The following TACC2 variants were observed in gnomAD, a reference collection of about 807,000 sequenced individuals.
TACC2 encodes the protein transforming acidic coiled-coil containing protein 2.
A neutral mutation model predicts 227.3 loss-of-function variants in TACC2; 137 were observed. That is an observed-to-expected ratio of 0.60 (90% CI 0.52 to 0.69). The LOEUF (loss-of-function observed/expected upper bound fraction) is 0.69. Among genes scored for constraint, TACC2 ranks in the 30% least tolerant of loss-of-function variants. TACC2 has a pLI of 0.00. For missense variants in TACC2, 3,470 were observed against 3,694.4 expected, an observed-to-expected ratio of 0.94 and a Z score of 1.57; for synonymous variants, 1,523 against 1,487.5, an observed-to-expected ratio of 1.02 and a Z score of -0.55.
At chr10:122,162,316 G>A (rs951333409) in intron 7 of TACC2, among the ~76,000 whole-genome samples, 3 of 152,184 alleles carry the variant, frequency 2.0e-5, no homozygotes, top group Non-Finnish European at 2.9e-5. Context: ...CCTTGGCCAC[G>A]TCGCTAGAAA....
chr10:122,005,692 T>G (rs1327025348), intron 1 of TACC2, among the ~76,000 whole-genome samples: 1 of 143,082 alleles, frequency 7.0e-6, no homozygotes, highest in Non-Finnish European at 1.6e-5. Flanking sequence ...CCTTTTTTTT[T>G]TTTTTCTTTT....
At chr10:122,126,639 AG>A (rs1172682774) in intron 5 of TACC2, 4 of 152,048 alleles carry the variant, frequency 2.6e-5, no homozygotes, top group Non-Finnish European at 4.4e-5. Context: ...ATAAATAACA[AG>A]GGGAAGGGAA....
At chr10:122,165,091 A>C (rs1479521578) in intron 7 of TACC2, among the ~76,000 whole-genome samples, 1 of 152,088 alleles carries the variant, frequency 6.6e-6, no homozygotes, top group Non-Finnish European at 1.5e-5. Context: ...GCAGGTGTGC[A>C]CCCATCATTT....
Position 122,225,875 on chromosome 10 carries a change from G to A in TACC2, c.7609-491G>A, listed in dbSNP as rs141780176. 2.2e-3 allele frequency among the ~76,000 whole-genome samples: 329 copies of A among 152,236 alleles called. 1 individual carries two copies. The highest frequency in any genetic ancestry group is 7.6e-3 in the African/African-American group (316 of 41,538). Reference sequence around the variant, plus strand: ...GGACCCCAGCAGGGCATGTGGAGGGGGTCTTTCAAGGTCTTCCCATCACTG... The same window carrying A: ...GGACCCCAGCAGGGCATGTGGAGGGAGTCTTTCAAGGTCTTCCCATCACTG... On this transcript the variant is annotated intron_variant, in intron 12 of 22. Coordinates refer to ENST00000369005, the MANE Select transcript of TACC2 (RefSeq NM_206862.4).
intron 6 of TACC2, 119 bp downstream of exon 6, chr10:122,132,853 T>C: frequency 9.8e-7 from 1 of 1,015,752 alleles, no homozygotes; most frequent in Non-Finnish European, 1.5e-6. Context: ...TTTCACCCCC[T>C]CTGCACACAC....
intron 2 of TACC2, among the ~76,000 whole-genome samples, chr10:122,033,567 G>A (rs1167916761): frequency 1.1e-4 from 16 of 152,214 alleles, no homozygotes; most frequent in Admixed American, 1.0e-3. Context: ...CTGATTTGTT[G>A]TAAAAGAAGA....
In TACC2 at chr10:122,249,564, A is replaced by G. The variant is rs776369229; in HGVS notation, c.8681A>G (p.Gln2894Arg). 4 of 1,614,040 alleles carry G rather than the reference A, an allele frequency of 2.5e-6. No individual in the cohort carries two copies. Among genetic ancestry groups the G allele is most frequent in the Non-Finnish European group, 3.4e-6 (4 of 1,179,994 alleles). ...KLDRANAEIA[Q>R]VRGKAQQEQA... ...CGCAGGGCCAATGCTGAGATTGCTC[A>G]GGTTCGAGGCAAGGCCCAGCAGGAG... Residue 2894 changes from glutamine to arginine, a missense_variant, in exon 22 of 23, where the codon CAG becomes CGG. Around this residue, in one of 10 missense-constraint regions of TACC2, gnomAD observed 89 missense variants for 91.4 expected, o/e 0.97. Transcript: ENST00000369005.
At chr10:122,230,689 A>T (rs1281181826) in intron 16 of TACC2, among the ~76,000 whole-genome samples, 1 of 152,234 alleles carries the variant, frequency 6.6e-6, no homozygotes, top group African/African-American at 2.4e-5. Flanking sequence ...ACAGAGACCA[A>T]TGTATGGGTC....
chr10:122,211,844 C>T (rs750288740), intron 9 of TACC2, 136 bp downstream of exon 9: 231 of 674,186 alleles, frequency 3.4e-4, no homozygotes, highest in Non-Finnish European at 5.2e-4. Flanking sequence ...CGCTTACGGC[C>T]GTTGCACCAA....
intron 11 of TACC2, among the ~76,000 whole-genome samples, chr10:122,218,354 G>A (rs1220677706): frequency 2.6e-5 from 4 of 152,090 alleles, no homozygotes; most frequent in Non-Finnish European, 5.9e-5. Flanking sequence ...TCCTTTAAAC[G>A]GCTTCCTCCC....
chr10:122,103,406 G>A (rs1012359135), intron 5 of TACC2, among the ~76,000 whole-genome samples: 1 of 152,202 alleles, frequency 6.6e-6, no homozygotes, highest in African/African-American at 2.4e-5. Context: ...TGCTGCATAG[G>A]CTCATTAAGA....
intron 16 of TACC2, among the ~76,000 whole-genome samples, chr10:122,234,959 G>A (rs1431556186): frequency 6.6e-6 from 1 of 152,066 alleles, no homozygotes; most frequent in Non-Finnish European, 1.5e-5. Flanking sequence ...TCTTCAGAAG[G>A]TCCACGCTGA....
rs368942845 is a variant in TACC2 at position 122,141,043 on chromosome 10, G to T, written c.5700-2529G>T. ...CCAGGAGTCCTGCTCAGAGAGGGCA[G>T]ATTCCAGAAGGAGAAGGAGGTGACT... is the stretch of plus-strand genomic sequence containing the variant. On this transcript the variant is annotated intron_variant, in intron 6 of 22. Coordinates refer to ENST00000369005, the MANE Select transcript of TACC2 (RefSeq NM_206862.4). This position sits in a 1 kb window ranked among gnomAD's most constrained non-coding sequence, Gnocchi z 4.3. 2.0e-5 allele frequency among the ~76,000 whole-genome samples: 3 copies of T among 152,194 alleles called. No homozygotes were observed. The highest frequency in any genetic ancestry group is 3.9e-4 in the East Asian group (2 of 5,186).
At chr10:122,208,403 A>G (rs1178625362) in intron 8 of TACC2, among the ~76,000 whole-genome samples, 1 of 152,222 alleles carries the variant, frequency 6.6e-6, no homozygotes, top group African/African-American at 2.4e-5. Flanking sequence ...AAAGGTTGCT[A>G]TGAGCAAAGC....
chr10:122,029,865 CT>C (rs1446552148), intron 2 of TACC2, among the ~76,000 whole-genome samples: 3 of 150,338 alleles, frequency 2.0e-5, no homozygotes, highest in Non-Finnish European at 4.4e-5. Flanking sequence ...GGACCTCAAG[CT>C]CCCTGCAGGC....
chr10:121,994,017 G>A (rs1953159694), intron 1 of TACC2, among the ~76,000 whole-genome samples: 1 of 152,084 alleles, frequency 6.6e-6, no homozygotes, highest in South Asian at 2.1e-4. Flanking sequence ...ATGTATCTTG[G>A]AGAGTTTTCA....
chr10:122,171,941 A>G (rs929765437), intron 7 of TACC2, among the ~76,000 whole-genome samples: 18 of 152,116 alleles, frequency 1.2e-4, no homozygotes, highest in African/African-American at 4.3e-4. Flanking sequence ...GATGTTCTAG[A>G]GGTCAGTTCC....
At chr10:122,177,006 C>G (rs180728030) in intron 7 of TACC2, among the ~76,000 whole-genome samples, 30 of 152,238 alleles carry the variant, frequency 2.0e-4, no homozygotes, top group African/African-American at 6.7e-4. Context: ...CCCATAAAAT[C>G]TCTTGGTACA....
At chr10:122,242,133 TC>T in intron 19 of TACC2, 132 bp downstream of exon 19, 1 of 835,358 alleles carries the variant, frequency 1.2e-6, no homozygotes, top group Non-Finnish European at 2.0e-6. Context: ...ACCAGAGCAT[TC>T]CAGAAAATAT....
Sources: allele counts gnomAD v4.1 joint callset (sites outside exome capture counted in the v4.1 genomes callset), GRCh38; gene constraint gnomAD v4.1.1; regional missense constraint gnomAD v4.1.1; non-coding constraint Gnocchi (gnomAD v3.1); transcripts MANE v1.5; gene names NCBI Gene and HGNC (gene_info 2026-07-23, HGNC 2026-07-21).